Variants in SLC6A6 observed in about 807,000 individuals in gnomAD.
The protein encoded by SLC6A6 is sodium- and chloride-dependent taurine transporter.
Under a neutral mutation model 68.8 loss-of-function variants are expected in SLC6A6, and 16 were observed. That is an observed-to-expected ratio of 0.23 (90% CI 0.16 to 0.35). The LOEUF is 0.35. Ranked by LOEUF, SLC6A6 falls within the 10% of genes least tolerant of loss-of-function variation. SLC6A6 has a pLI of 1.00. For missense variants in SLC6A6, 474 were observed against 802.8 expected (o/e 0.59, Z 4.95); for synonymous variants, 312 against 315.4 (o/e 0.99, Z 0.12).
chr3:14,407,016 A>T (rs6762859), intron 1 of SLC6A6, among the ~76,000 whole-genome samples: 23 of 151,876 alleles, frequency 1.5e-4, no homozygotes, highest in Non-Finnish European at 2.8e-4. Flanking sequence ...CTCCAGGGGG[A>T]TGGAGCCTGG....
intron 2 of SLC6A6, among the ~76,000 whole-genome samples, chr3:14,433,816 A>G (rs1699788877): frequency 6.6e-6 from 1 of 151,486 alleles, no homozygotes. Flanking sequence ...AAAAAAAAAA[A>G]AAAAAAAAAA....
At chr3:14,459,883 C>CTTTTTT (rs869191764) in intron 6 of SLC6A6, among the ~76,000 whole-genome samples, 16 of 40,150 alleles carry the variant, frequency 4.0e-4, no homozygotes, top group South Asian at 8.9e-4. Flanking sequence ...TAATTCTCTT[C>CTTTTTT]TTTTTTTTTT....
chr3:14,472,414 C>T lies in SLC6A6; in HGVS notation c.1209+97C>T, dbSNP rs910099204. On this transcript the variant is annotated intron_variant, in intron 10 of 14. Coordinates refer to ENST00000622186, the MANE Select transcript of SLC6A6 (RefSeq NM_003043.6). This position sits in a 1 kb window ranked among gnomAD's most constrained non-coding sequence, Gnocchi z 4.5. Reference sequence around the variant, plus strand: ...CACCTGGGAGGTGGTCAACCCCCTTCCCCCCTCCAGTCAGACTTCCAGTGC... The same window carrying T: ...CACCTGGGAGGTGGTCAACCCCCTTTCCCCCTCCAGTCAGACTTCCAGTGC... 3 of 751,182 alleles carry T rather than the reference C, an allele frequency of 4.0e-6. No homozygotes were observed. Among genetic ancestry groups the T allele is most frequent in the Admixed American group, 2.0e-5 (1 of 50,524 alleles). 46.5% of individuals were successfully genotyped at this position (751,182 alleles called of 1,614,324 possible).
intron 6 of SLC6A6, among the ~76,000 whole-genome samples, chr3:14,464,504 C>G (rs1700570902): frequency 6.6e-6 from 1 of 152,200 alleles, no homozygotes; most frequent in Admixed American, 6.5e-5. Flanking sequence ...TAAACGCTGC[C>G]TAGGGGTTGT....
chr3:14,478,393 C>T, intron 11 of SLC6A6, 73 bp from the exon 12 acceptor site: 2 of 861,184 alleles, frequency 2.3e-6, no homozygotes, highest in East Asian at 2.4e-5. Flanking sequence ...ATTGATATGC[C>T]AGAGCTCTTT....
At chr3:14,416,297 C>G (rs548961551) in intron 1 of SLC6A6, 115 bp from the exon 2 acceptor site, 1 of 397,402 alleles carries the variant, frequency 2.5e-6, no homozygotes, top group African/African-American at 2.1e-5. Flanking sequence ...TGGTCAGCCC[C>G]TCCCCAGCAC....
chr3:14,478,922 T>G lies in SLC6A6; in HGVS notation c.1451-163T>G, dbSNP rs1038409033. 19 of 612,516 alleles carry G rather than the reference T, an allele frequency of 3.1e-5. No individual in the cohort carries two copies. The African/African-American group carries it at 3.1e-4, about 10-fold the overall frequency. 37.9% of individuals were successfully genotyped at this position (612,516 alleles called of 1,614,324 possible). ...GCCAGAAAAATACAAGATGCAGAGT[T>G]ATATTTGAATTTCATGTAAATGTCT... On this transcript the variant is annotated intron_variant, in intron 12 of 14. Transcript: ENST00000622186.
intron 5 of SLC6A6, among the ~76,000 whole-genome samples, chr3:14,453,256 G>T (rs1008786132): frequency 6.6e-6 from 1 of 152,206 alleles, no homozygotes; most frequent in Non-Finnish European, 1.5e-5. Context: ...CAAAACAGAC[G>T]TCCAGGCAGT....
chr3:14,404,193 T>C (rs1477588459), intron 1 of SLC6A6, among the ~76,000 whole-genome samples: 3 of 152,212 alleles, frequency 2.0e-5, no homozygotes, highest in Admixed American at 2.0e-4. Flanking sequence ...TAATTTTTTG[T>C]TGGCTAGAAG....
At chr3:14,418,696 A>G (rs1699419369) in intron 2 of SLC6A6, among the ~76,000 whole-genome samples, 1 of 152,178 alleles carries the variant, frequency 6.6e-6, no homozygotes, top group South Asian at 2.1e-4. Context: ...AAATATGAGA[A>G]ATTCATTGAG....
intron 14 of SLC6A6, among the ~76,000 whole-genome samples, chr3:14,483,270 A>AGGGG (rs1701052321): frequency 6.6e-6 from 1 of 152,134 alleles, no homozygotes; most frequent in African/African-American, 2.4e-5. Context: ...GTCTGACTTC[A>AGGGG]CCAAAGGCCC....
At chr3:14,433,279 A>G (rs1699771279) in intron 2 of SLC6A6, among the ~76,000 whole-genome samples, 1 of 152,080 alleles carries the variant, frequency 6.6e-6, no homozygotes, top group South Asian at 2.1e-4. Context: ...ACTTCCCAAG[A>G]GCACATTACA....
intron 2 of SLC6A6, among the ~76,000 whole-genome samples, chr3:14,422,359 A>T (rs1699504130): frequency 6.6e-6 from 1 of 152,140 alleles, no homozygotes; most frequent in Non-Finnish European, 1.5e-5. Context: ...GTGACCTCTG[A>T]TTCGCCATGG....
At chr3:14,455,146 T>C (rs943464410) in intron 5 of SLC6A6, among the ~76,000 whole-genome samples, 1 of 152,216 alleles carries the variant, frequency 6.6e-6, no homozygotes, top group Non-Finnish European at 1.5e-5. Flanking sequence ...GGAATGGAAT[T>C]GCCTGATCAA....
intron 2 of SLC6A6, among the ~76,000 whole-genome samples, chr3:14,443,343 G>A (rs945655949): frequency 8.5e-5 from 13 of 152,188 alleles, no homozygotes; most frequent in African/African-American, 3.1e-4. Context: ...AAACCTGGGG[G>A]CCTCTGGTGC....
chr3:14,406,376 T>G lies in SLC6A6; in HGVS notation c.-54+3529T>G, dbSNP rs73130902. Among the ~76,000 whole-genome samples, 1,183 of 151,752 alleles carry G rather than the reference T, an allele frequency of 7.8e-3. 19 individuals are homozygous for G. Among genetic ancestry groups the G allele is most frequent in the African/African-American group, 0.025 (1,051 of 41,322 alleles). ...TGATGGCAGCAGGAGTCATACTGGG[T>G]TTAAGGATAGTGGGGCAGAAGCCAG... On this transcript the variant is annotated intron_variant, in intron 1 of 14. Coordinates refer to ENST00000622186, the MANE Select transcript of SLC6A6 (RefSeq NM_003043.6).
chr3:14,432,869 G>A (rs1169177091), intron 2 of SLC6A6: 1 of 152,198 alleles, frequency 6.6e-6, no homozygotes, highest in Non-Finnish European at 1.5e-5. Context: ...GAAGTCTACT[G>A]AGTGGTGTCC....
chr3:14,472,457 C>T lies in SLC6A6; in HGVS notation c.1209+140C>T, dbSNP rs1321315432. ...TCCAGTGCTTCAGCTGTGAGGGTTC[C>T]TCCAGGACACCAGGAATAGAAAAAG... is the stretch of plus-strand genomic sequence containing the variant. On this transcript the variant is annotated intron_variant, in intron 10 of 14. Coordinates refer to ENST00000622186, the MANE Select transcript of SLC6A6 (RefSeq NM_003043.6). The surrounding 1 kb of genome is among the most constrained non-coding windows in gnomAD (Gnocchi z 4.5). The T allele has an allele frequency of 3.1e-6, 2 of 640,430 alleles. No homozygotes were observed. The highest frequency in any genetic ancestry group is 5.6e-6 in the Non-Finnish European group (2 of 358,296). 39.7% of individuals were successfully genotyped at this position (640,430 alleles called of 1,614,324 possible).
rs1225187566 is a variant in SLC6A6 at position 14,477,591 on chromosome 3, T to A, written c.1347+249T>A. Among the ~76,000 whole-genome samples the A allele has an allele frequency of 6.6e-6, 1 of 152,240 alleles. No individual in the cohort carries two copies. The highest frequency in any genetic ancestry group is 2.4e-5 in the African/African-American group (1 of 41,462). On this transcript the variant is annotated intron_variant, in intron 11 of 14. Transcript: ENST00000622186. The surrounding 1 kb of genome is among the most constrained non-coding windows in gnomAD (Gnocchi z 4.2). Reference sequence around the variant, plus strand: ...CACTGTGACCACCCGCTGCCCTCTGTCCTGGGAAGAGGATCTTCAGCTGAA... The same window carrying A: ...CACTGTGACCACCCGCTGCCCTCTGACCTGGGAAGAGGATCTTCAGCTGAA...
Sources: gnomAD v4.1 joint callset for allele counts (sites outside exome capture counted in the v4.1 genomes callset) on GRCh38, gnomAD v4.1.1 for gene constraint, Gnocchi (gnomAD v3.1) non-coding constraint, MANE v1.5 for transcripts, NCBI Gene and HGNC (gene_info 2026-07-23, HGNC 2026-07-21) for gene names.